MICAL3: variants seen among roughly 807,000 people sequenced by gnomAD.
MICAL3 encodes the protein microtubule associated monooxygenase, calponin and LIM domain containing 3, also known as [F-actin]-monooxygenase MICAL3.
A neutral mutation model predicts 207.4 loss-of-function variants in MICAL3; 62 were observed. The ratio of observed to expected loss-of-function variants is 0.30; its 90% CI spans 0.24 to 0.37. The LOEUF is 0.37. MICAL3 is among the 10% of genes least tolerant of loss of function. MICAL3 has a pLI of 1.00. For synonymous variants in MICAL3, 1,077 were observed against 1,069.3 expected (o/e 1.01, Z -0.14); for missense variants, 2,368 against 2,635.6 (o/e 0.90, Z 2.22).
chr22:17,817,339 C>T lies in MICAL3; in HGVS notation c.5322G>A (p.Lys1774=), dbSNP rs1921117423. ...CCCTTACGACGGGAAGCACCCTGTG[C>T]TTTCCAGAGTCCACCGTGGCCCCGC... ...PSSGATVDSG[K]HRVLPVVRAE... is the part of the protein sequence containing the mutation. The change falls in exon 26 of 32, where the codon AAG becomes AAA. Residue 1774 remains lysine (K), a synonymous_variant. Transcript: ENST00000441493. 3 of 1,607,348 alleles carry T rather than the reference C, an allele frequency of 1.9e-6. No individual in the cohort carries two copies. Among genetic ancestry groups the T allele is most frequent in the Non-Finnish European group, 2.5e-6 (3 of 1,177,332 alleles).
At chr22:17,914,247 A>G (rs554458559) in intron 1 of MICAL3, among the ~76,000 whole-genome samples, 4 of 148,074 alleles carry the variant, frequency 2.7e-5, no homozygotes, top group South Asian at 4.4e-4. Context: ...CATCTGTTCT[A>G]GAAAGCGTGA....
chr22:17,864,527 A>T, intron 19 of MICAL3: 1 of 1,435,870 alleles, frequency 7.0e-7, no homozygotes, highest in Non-Finnish European at 9.1e-7. Flanking sequence ...GGGTGATGGG[A>T]GCAGTGTCTG....
chr22:17,811,699 T>G (rs1302070492), intron 27 of MICAL3, among the ~76,000 whole-genome samples: 1 of 152,232 alleles, frequency 6.6e-6, no homozygotes, highest in Non-Finnish European at 1.5e-5. Flanking sequence ...TTTGCCTTTA[T>G]TCATAAGACC....
chr22:17,930,724 C>T (rs1468136659), intron 1 of MICAL3, among the ~76,000 whole-genome samples: 3 of 152,208 alleles, frequency 2.0e-5, no homozygotes, highest in African/African-American at 7.2e-5. Context: ...CTCCCAGGGC[C>T]CCCAGTTAGA....
chr22:17,955,513 G>T (rs116153024), intron 1 of MICAL3, among the ~76,000 whole-genome samples: 5 of 152,256 alleles, frequency 3.3e-5, no homozygotes, highest in Non-Finnish European at 1.5e-5. Context: ...GGAGGAAGCT[G>T]TGTGTGGCAG....
intron 16 of MICAL3, among the ~76,000 whole-genome samples, chr22:17,877,288 TGGAGGTTAG>T (rs1928763318): frequency 7.4e-5 from 4 of 54,172 alleles, no homozygotes; most frequent in Non-Finnish European, 1.1e-4. Context: ...AGGGAGGTTA[TGGAGGTTAG>T]GGAGGTTATG....
chr22:17,891,844 T>A (rs181588681), intron 11 of MICAL3, among the ~76,000 whole-genome samples: 1 of 152,328 alleles, frequency 6.6e-6, no homozygotes, highest in East Asian at 1.9e-4. Context: ...ACTACTAGTT[T>A]ATCCAGACTC....
At position 17,883,787 on chromosome 22, in the gene MICAL3, C is replaced by G. The variant is rs10427958; in HGVS notation, c.2241+2091G>C. 7.8e-3 allele frequency among the ~76,000 whole-genome samples: 1,184 copies of G among 152,292 alleles called. 12 individuals carry two copies. Among genetic ancestry groups the G allele is most frequent in the African/African-American group, 0.025 (1,058 of 41,556 alleles). Reference sequence around the variant, plus strand: ...AACACCAAGAAAATGTCCAGGAATACCTTCATCCAGGATTTAAAACAAACA... The same window carrying G: ...AACACCAAGAAAATGTCCAGGAATAGCTTCATCCAGGATTTAAAACAAACA... On this transcript the variant is annotated intron_variant, in intron 16 of 31. Transcript: ENST00000441493.
chr22:17,926,705 G>A (rs1019197054), intron 1 of MICAL3, among the ~76,000 whole-genome samples: 20 of 152,306 alleles, frequency 1.3e-4, no homozygotes, highest in African/African-American at 4.1e-4. Context: ...GCAAAAGGCC[G>A]GAGGCGTGGG....
chr22:17,907,179 G>A (rs1931789351), intron 1 of MICAL3, among the ~76,000 whole-genome samples: 1 of 151,720 alleles, frequency 6.6e-6, no homozygotes, highest in African/African-American at 2.4e-5. Flanking sequence ...GGCCATCTCG[G>A]AAACAGAGAA....
chr22:17,821,587 A>AGAGGGTGGAGGG (rs1921644675), intron 24 of MICAL3, 78 bp from the exon 25 acceptor site: 2 of 1,209,506 alleles, frequency 1.7e-6, no homozygotes, highest in Admixed American at 2.6e-5. Context: ...AGCCAGCCCC[A>AGAGGGTGGAGGG]GAGGGTGGAG....
At chr22:17,863,320 A>C (rs1031509440) in intron 19 of MICAL3, 14 of 985,376 alleles carry the variant, frequency 1.4e-5, no homozygotes, top group Non-Finnish European at 1.7e-5. Flanking sequence ...GTTCCTCAGA[A>C]AATCCATCTC....
chr22:17,818,071 A>AT lies in MICAL3; in HGVS notation c.4589dup (p.Tyr1530Ter). Residue 1530 changes from tyrosine to a stop codon, truncating the protein, a stop_gained and frameshift_variant, in exon 26 of 32, where the codon TAT becomes TAAT. Transcript: ENST00000441493. LOFTEE classifies it high-confidence loss of function. Reference protein sequence around the residue: ...IPFADDVEDTYDDKTEDSSLQ... With the variant: ...IPFADDVEDT The stretch of plus-strand genomic sequence containing the variant: ...GGCTTGAGTCCTCAGTCTTGTCGTC[A>AT]TAGGTGTCCTCCACATCATCAGCAA... 1 of 1,613,112 alleles carries AT rather than the reference A, an allele frequency of 6.2e-7. No individual in the cohort carries two copies. Among genetic ancestry groups the AT allele is most frequent in the Non-Finnish European group, 8.5e-7 (1 of 1,179,764 alleles).
chr22:18,012,898 T>C (rs1180711911), intron 1 of MICAL3, among the ~76,000 whole-genome samples: 1 of 152,216 alleles, frequency 6.6e-6, no homozygotes, highest in Non-Finnish European at 1.5e-5. Flanking sequence ...GGCTTTAGCC[T>C]GCCCAGCATT....
chr22:17,988,213 C>T (rs1232734903), intron 1 of MICAL3, among the ~76,000 whole-genome samples: 1 of 152,242 alleles, frequency 6.6e-6, no homozygotes, highest in African/African-American at 2.4e-5. Flanking sequence ...GCTGGAAAGG[C>T]ACCTACCCAG....
intron 3 of MICAL3, among the ~76,000 whole-genome samples, chr22:17,903,674 G>A (rs1408781353): frequency 6.6e-6 from 1 of 152,146 alleles, no homozygotes; most frequent in Admixed American, 6.5e-5. Flanking sequence ...CAGTATTTTC[G>A]CAGAGAACTG....
chr22:17,871,858 A>C lies in MICAL3; in HGVS notation c.2407T>G (p.Tyr803Asp). Residue 803 changes from tyrosine (Y) to aspartate (D), a missense_variant, in exon 17 of 32, where the codon TAC becomes GAC. Physicochemically the swap from Tyr to Asp is radical, Grantham distance 160 (BLOSUM62 -3). Coordinates refer to ENST00000441493, the MANE Select transcript of MICAL3 (RefSeq NM_015241.3). The stretch of plus-strand genomic sequence containing the variant: ...TCACCATCCTCGATGTCGTAGGCGT[A>C]GGCCGAGAGGCGCAGGGTGGTGGCG... Reference protein sequence around the residue: ...YCATTLRLSAYAYDIEDGKFY... With the variant: ...YCATTLRLSADAYDIEDGKFY... 6.2e-7 allele frequency: 1 copy of C among 1,609,302 alleles called. No homozygotes were observed. The highest frequency in any genetic ancestry group is 8.5e-7 in the Non-Finnish European group (1 of 1,178,040).
Position 17,793,288 on chromosome 22 carries a change from A to G in MICAL3, c.5651-1987T>C, listed in dbSNP as rs2061843785. ...ACACTCAGCAAGACACGAGGTAGAG[A>G]GGTTTGCTTTCAGTGGTTGTTTGGA... On this transcript the variant is annotated intron_variant, in intron 29 of 31. Transcript: ENST00000441493. The surrounding 1 kb of genome is among the most constrained non-coding windows in gnomAD (Gnocchi z 4.1). 1.3e-5 allele frequency among the ~76,000 whole-genome samples: 2 copies of G among 151,834 alleles called. No homozygotes were observed. Among genetic ancestry groups the G allele is most frequent in the South Asian group, 4.1e-4 (2 of 4,820 alleles).
At chr22:17,910,284 G>A (rs1317787256) in intron 1 of MICAL3, among the ~76,000 whole-genome samples, 1 of 152,124 alleles carries the variant, frequency 6.6e-6, no homozygotes, top group Non-Finnish European at 1.5e-5. Flanking sequence ...TCTTACGTGT[G>A]AGCTAACAAC....
Sources: gnomAD v4.1 joint callset for allele counts (sites outside exome capture counted in the v4.1 genomes callset) on GRCh38, gnomAD v4.1.1 for gene constraint, Gnocchi (gnomAD v3.1) non-coding constraint, MANE v1.5 for transcripts, NCBI Gene and HGNC (gene_info 2026-07-23, HGNC 2026-07-21) for gene names.